SLC2A9: variants seen among roughly 807,000 people sequenced by gnomAD.
The protein encoded by SLC2A9 is solute carrier family 2 member 9.
Under a neutral mutation model 50.6 loss-of-function variants are expected in SLC2A9, and 39 were observed. The observed-to-expected ratio is 0.77, with a 90% CI of 0.60 to 1.01. The LOEUF is 1.01. Ranked by LOEUF, SLC2A9 falls within the 50% of genes least tolerant of loss-of-function variation. SLC2A9 has a pLI of 0.00. For synonymous variants in SLC2A9, 324 were observed against 276.9 expected, an observed-to-expected ratio of 1.17 and a Z score of -1.69; for missense variants, 686 against 677.6, an observed-to-expected ratio of 1.01 and a Z score of -0.14.
intron 8 of SLC2A9, among the ~76,000 whole-genome samples, chr4:9,899,619 T>G (rs1439727969): frequency 6.6e-6 from 1 of 152,172 alleles, no homozygotes; most frequent in African/African-American, 2.4e-5. Context: ...TGAAACAAAC[T>G]TTTTTGGGAA....
intron 8 of SLC2A9, among the ~76,000 whole-genome samples, chr4:9,892,878 T>C (rs1465093555): frequency 1.3e-5 from 2 of 152,204 alleles, no homozygotes; most frequent in Non-Finnish European, 2.9e-5. Flanking sequence ...CAATAGCTAA[T>C]GATCATTTAC....
chr4:9,800,809 G>A (rs766605686), intron 3 of SLC2A9, among the ~76,000 whole-genome samples: 2 of 152,204 alleles, frequency 1.3e-5, no homozygotes, highest in Non-Finnish European at 2.9e-5. Flanking sequence ...GGGGTGATAT[G>A]CAAATACTAT....
intron 1 of SLC2A9, among the ~76,000 whole-genome samples, chr4:10,033,120 G>A (rs1254034321): frequency 1.3e-5 from 2 of 152,092 alleles, no homozygotes; most frequent in East Asian, 3.9e-4. Context: ...TTTTGTCCAG[G>A]GCTCCATGAA....
chr4:9,937,375 T>C lies in SLC2A9; in HGVS notation c.814+4538A>G, dbSNP rs74386516. On this transcript the variant is annotated intron_variant, in intron 6 of 11. Coordinates refer to ENST00000264784, the MANE Select transcript of SLC2A9 (RefSeq NM_020041.3). The stretch of plus-strand genomic sequence containing the variant: ...GCCTCTGTTTCTTCACTCAGCACCC[T>C]GTCCCAACAAGTTCTCTCTAGCCAG... Among the ~76,000 whole-genome samples the C allele has an allele frequency of 7.2e-5, 11 of 152,284 alleles. No homozygotes were observed. The East Asian group carries it at 1.9e-3, about 27-fold the overall frequency.
At chr4:9,801,269 C>A (rs1431716139) in intron 3 of SLC2A9, among the ~76,000 whole-genome samples, 1 of 152,178 alleles carries the variant, frequency 6.6e-6, no homozygotes, top group African/African-American at 2.4e-5. Flanking sequence ...CACATGTGAG[C>A]AAAACCAGCC....
At chr4:10,026,984 C>T (rs533196463) in intron 1 of SLC2A9, among the ~76,000 whole-genome samples, 61 of 152,000 alleles carry the variant, frequency 4.0e-4, no homozygotes, top group African/African-American at 1.4e-3. Context: ...GCAGAGGTTG[C>T]AGTGGGCTGA....
chr4:9,901,068 T>C (rs954111704), intron 8 of SLC2A9, among the ~76,000 whole-genome samples: 1 of 152,178 alleles, frequency 6.6e-6, no homozygotes, highest in Non-Finnish European at 1.5e-5. Flanking sequence ...ATCTAAGCTC[T>C]GAACATGAAA....
chr4:9,987,919 G>C lies in SLC2A9; in HGVS notation c.411-2126C>G, dbSNP rs377662102. On this transcript the variant is annotated intron_variant, in intron 3 of 11. Transcript: ENST00000264784. ...GGAGCCAGGGAGCAAGCAGTAGAAA[G>C]TGAAAGTTGAGAAGAGAAAAGAAGA... Among the ~76,000 whole-genome samples, 10 of 152,352 alleles carry C rather than the reference G, an allele frequency of 6.6e-5. 1 individual carries two copies. The South Asian group carries it at 1.0e-3, about 16-fold the overall frequency.
At chr4:9,963,265 T>C (rs1304490243) in intron 5 of SLC2A9, among the ~76,000 whole-genome samples, 1 of 152,166 alleles carries the variant, frequency 6.6e-6, no homozygotes, top group Non-Finnish European at 1.5e-5. Context: ...TCCAATTATC[T>C]CCAACTGGCC....
At chr4:9,914,884 T>C (rs1021569730) in intron 7 of SLC2A9, among the ~76,000 whole-genome samples, 1 of 152,160 alleles carries the variant, frequency 6.6e-6, no homozygotes, top group Non-Finnish European at 1.5e-5. Flanking sequence ...TCCAGAAGCA[T>C]ACAAAGTAAG....
At chr4:9,925,412 G>T (rs895169264) in intron 6 of SLC2A9, among the ~76,000 whole-genome samples, 2 of 152,182 alleles carry the variant, frequency 1.3e-5, no homozygotes, top group Non-Finnish European at 2.9e-5. Flanking sequence ...AGCGCCCCCT[G>T]ACCAGGGGCC....
intron 5 of SLC2A9, among the ~76,000 whole-genome samples, chr4:9,975,131 A>G (rs954064537): frequency 6.6e-6 from 1 of 152,244 alleles, no homozygotes; most frequent in Non-Finnish European, 1.5e-5. Flanking sequence ...TTTAAATGAA[A>G]GACCTCAAAC....
chr4:9,835,947 C>A (rs1427268796), intron 10 of SLC2A9, among the ~76,000 whole-genome samples: 1 of 151,622 alleles, frequency 6.6e-6, no homozygotes, highest in Non-Finnish European at 1.5e-5. Context: ...ATTAGCTGGG[C>A]GTGGTGGTGC....
intron 10 of SLC2A9, among the ~76,000 whole-genome samples, chr4:9,848,824 C>G (rs1411044150): frequency 6.6e-6 from 1 of 151,996 alleles, no homozygotes; most frequent in African/African-American, 2.4e-5. Flanking sequence ...CCTGCCTCAG[C>G]CTCCCGAGTA....
intron 8 of SLC2A9, among the ~76,000 whole-genome samples, chr4:9,895,128 G>T (rs756375429): frequency 2.0e-5 from 3 of 152,188 alleles, no homozygotes; most frequent in Non-Finnish European, 4.4e-5. Context: ...TGATGCTGAC[G>T]TTCAAATACT....
chr4:9,836,580 T>C (rs1399433732), intron 10 of SLC2A9, among the ~76,000 whole-genome samples: 1 of 152,176 alleles, frequency 6.6e-6, no homozygotes, highest in Non-Finnish European at 1.5e-5. Context: ...TCCAGACACC[T>C]GAAGGAGGCA....
intron 7 of SLC2A9, among the ~76,000 whole-genome samples, chr4:9,917,664 C>T (rs1164738840): frequency 6.6e-6 from 1 of 152,204 alleles, no homozygotes; most frequent in African/African-American, 2.4e-5. Context: ...ACGTGAAAAA[C>T]ATTCATCAGC....
intron 2 of SLC2A9, among the ~76,000 whole-genome samples, chr4:10,008,517 G>A (rs1560480332): frequency 6.6e-6 from 1 of 152,226 alleles, no homozygotes; most frequent in African/African-American, 2.4e-5. Context: ...GGACATCACA[G>A]GAGGCAGCTC....
intron 7 of SLC2A9, among the ~76,000 whole-genome samples, chr4:9,916,809 G>A (rs1742925064): frequency 6.6e-6 from 1 of 152,094 alleles, no homozygotes; most frequent in African/African-American, 2.4e-5. Flanking sequence ...CCCCACACTG[G>A]GCTTGACAAT....
Sources: gnomAD v4.1 joint callset for allele counts (sites outside exome capture counted in the v4.1 genomes callset) on GRCh38, gnomAD v4.1.1 for gene constraint, MANE v1.5 for transcripts, NCBI Gene and HGNC (gene_info 2026-07-23, HGNC 2026-07-21) for gene names.